The following AP1B1 variants were observed in gnomAD, a reference collection of about 807,000 sequenced individuals.
The protein encoded by AP1B1 is adaptor related protein complex 1 subunit beta 1, also known as AP-1 complex subunit beta-1.
In AP1B1, 36 loss-of-function variants were observed where a neutral mutation model predicts 104.3. The ratio of observed to expected loss-of-function variants is 0.35; its 90% CI spans 0.26 to 0.46. The LOEUF (loss-of-function observed/expected upper bound fraction) is 0.46. AP1B1 is among the 20% of genes least tolerant of loss of function. The probability of loss-of-function intolerance (pLI) is 1.00; values close to 1 mark genes in which losing one functional copy is unlikely to be tolerated. For synonymous variants in AP1B1, 504 were observed against 517.5 expected, an observed-to-expected ratio of 0.97 and a Z score of 0.35; for missense variants, 901 against 1,247.9, an observed-to-expected ratio of 0.72 and a Z score of 4.19.
intron 15 of AP1B1, among the ~76,000 whole-genome samples, chr22:29,339,426 G>A (rs976074243): frequency 3.3e-5 from 5 of 152,232 alleles, no homozygotes; most frequent in East Asian, 1.9e-4. Flanking sequence ...CAAGACACAC[G>A]GCTGGGTGGA....
At chr22:29,365,382 G>A (rs1265040651) in intron 2 of AP1B1, among the ~76,000 whole-genome samples, 1 of 152,088 alleles carries the variant, frequency 6.6e-6, no homozygotes, top group South Asian at 2.1e-4. Flanking sequence ...ATGGTGGCAC[G>A]TGCCTGTAGT....
At chr22:29,348,221 T>G (rs752181127) in intron 11 of AP1B1, among the ~76,000 whole-genome samples, 1 of 152,242 alleles carries the variant, frequency 6.6e-6, no homozygotes, top group Non-Finnish European at 1.5e-5. Context: ...TGCAAATACG[T>G]GCAGAACCGT....
rs887222070 is a variant in AP1B1 at position 29,330,390 on chromosome 22, G to A, written c.2754C>T (p.Asn918=). 1 of 1,613,448 alleles carries A rather than the reference G, an allele frequency of 6.2e-7. No individual in the cohort carries two copies. The highest frequency in any genetic ancestry group is 8.5e-7 in the Non-Finnish European group (1 of 1,179,884). The change falls in exon 21 of 23, where the codon AAC becomes AAT. Residue 918 remains asparagine (N), a synonymous_variant. Coordinates refer to ENST00000357586, the MANE Select transcript of AP1B1 (RefSeq NM_001127.4). The stretch of plus-strand genomic sequence containing the variant: ...CCGGGGCTCTCACCGTGCAGCTGGG[G>A]TTGCCCGGCTGGATCCGCAGCTCCG... The part of the protein sequence containing the change: ...VLAELRIQPG[N]PSCTDLELSL...
rs141387831 is a variant in AP1B1, at chr22:29,366,507, A to G, written c.37+700T>C. ...CAAAATTAGCCGGGCATGGTGGTGTAATCCCAGCTACTTGGGAGGCTGAGG... is the reference window on the plus strand; with the variant it reads ...CAAAATTAGCCGGGCATGGTGGTGTGATCCCAGCTACTTGGGAGGCTGAGG... On this transcript the variant is annotated intron_variant, in intron 2 of 22. Coordinates refer to ENST00000357586, the MANE Select transcript of AP1B1 (RefSeq NM_001127.4). 4.6e-3 allele frequency among the ~76,000 whole-genome samples: 707 copies of G among 152,268 alleles called. 3 individuals are homozygous for G. The highest frequency in any genetic ancestry group is 8.2e-3 in the Non-Finnish European group (557 of 68,020).
chr22:29,352,314 A>G (rs1371497898), intron 7 of AP1B1, among the ~76,000 whole-genome samples: 1 of 152,240 alleles, frequency 6.6e-6, no homozygotes, highest in East Asian at 1.9e-4. Flanking sequence ...ATTTAACTGT[A>G]CCTAGACCAT....
chr22:29,361,254 G>A (rs2062041173), intron 3 of AP1B1, among the ~76,000 whole-genome samples: 2 of 152,136 alleles, frequency 1.3e-5, no homozygotes, highest in South Asian at 2.1e-4. Context: ...GCCCCTTCCC[G>A]GAGCTGCTGG....
At chr22:29,384,568 G>C (rs1300144044) in intron 1 of AP1B1, among the ~76,000 whole-genome samples, 2 of 152,118 alleles carry the variant, frequency 1.3e-5, no homozygotes, top group Non-Finnish European at 2.9e-5. Context: ...CTTCGTCAAG[G>C]ATTAAAAGCT....
intron 2 of AP1B1, among the ~76,000 whole-genome samples, chr22:29,365,320 A>G (rs192946935): frequency 6.6e-6 from 1 of 152,178 alleles, no homozygotes; most frequent in African/African-American, 2.4e-5. Context: ...CTCTCTTCCC[A>G]AAAGAAATCC....
At chr22:29,370,270 T>C (rs1200035177) in intron 1 of AP1B1, among the ~76,000 whole-genome samples, 3 of 151,342 alleles carry the variant, frequency 2.0e-5, no homozygotes, top group Admixed American at 6.6e-5. Flanking sequence ...CTGGGCAACA[T>C]AGTGAAACCC....
chr22:29,361,359 C>T (rs1278242876), intron 3 of AP1B1, among the ~76,000 whole-genome samples: 3 of 152,198 alleles, frequency 2.0e-5, no homozygotes, highest in African/African-American at 7.2e-5. Context: ...CACCTCAGCA[C>T]CCGGGTTATG....
At chr22:29,334,601 C>A (rs1173662716) in intron 16 of AP1B1, among the ~76,000 whole-genome samples, 191 bp from the exon 17 acceptor site, 2 of 152,216 alleles carry the variant, frequency 1.3e-5, no homozygotes, top group Admixed American at 1.3e-4. Flanking sequence ...CCATCTAGGG[C>A]CACCGCCATG....
chr22:29,330,816 C>G, intron 19 of AP1B1, 107 bp from the exon 20 acceptor site: 1 of 924,484 alleles, frequency 1.1e-6, no homozygotes, highest in Non-Finnish European at 1.7e-6. Flanking sequence ...CACGTGAAAG[C>G]TGACAACAGG....
intron 6 of AP1B1, among the ~76,000 whole-genome samples, chr22:29,355,175 T>A (rs2061936601): frequency 2.6e-5 from 4 of 151,510 alleles, no homozygotes. Context: ...AGGTGGAGGT[T>A]ACAGTGAGCC....
intron 5 of AP1B1, 34 bp downstream of exon 5, chr22:29,358,692 G>A (rs764960289): frequency 6.3e-7 from 1 of 1,593,172 alleles, no homozygotes; most frequent in South Asian, 1.1e-5. Flanking sequence ...CCCAGGAGGT[G>A]GTGGAGGTAG....
chr22:29,334,006 A>G (rs547154323), intron 17 of AP1B1, among the ~76,000 whole-genome samples: 1 of 152,308 alleles, frequency 6.6e-6, no homozygotes, highest in South Asian at 2.1e-4. Context: ...TGGAGGCCGC[A>G]GTGAGCCGAG....
At chr22:29,388,001 G>T (rs755380011) in intron 1 of AP1B1, among the ~76,000 whole-genome samples, 2 of 152,176 alleles carry the variant, frequency 1.3e-5, no homozygotes, top group Non-Finnish European at 2.9e-5. Context: ...CGGGCGGCAC[G>T]GGACCGTTTT....
At chr22:29,353,678 T>C (rs2061911848) in intron 7 of AP1B1, among the ~76,000 whole-genome samples, 1 of 152,150 alleles carries the variant, frequency 6.6e-6, no homozygotes, top group African/African-American at 2.4e-5. Flanking sequence ...AGACCCAGAC[T>C]GAAGCTACAA....
intron 1 of AP1B1, among the ~76,000 whole-genome samples, chr22:29,367,510 G>A (rs1198084545): frequency 6.7e-6 from 1 of 148,366 alleles, no homozygotes; most frequent in Non-Finnish European, 1.5e-5. Flanking sequence ...ATGTTGCCCA[G>A]GCTGGTCTCA....
intron 1 of AP1B1, among the ~76,000 whole-genome samples, chr22:29,369,837 A>ATTTT (rs564733165): frequency 8.3e-5 from 10 of 120,190 alleles, no homozygotes; most frequent in African/African-American, 2.5e-4. Flanking sequence ...ATTAAAAACG[A>ATTTT]TTTTTTTTTT....
Sources: gnomAD v4.1 joint callset for allele counts (sites outside exome capture counted in the v4.1 genomes callset) on GRCh38, gnomAD v4.1.1 for gene constraint, MANE v1.5 for transcripts, NCBI Gene and HGNC (gene_info 2026-07-23, HGNC 2026-07-21) for gene names.